The following SH3PXD2A variants were observed in gnomAD, a reference collection of about 807,000 sequenced individuals.
The protein encoded by SH3PXD2A is SH3 and PX domains 2A.
A neutral mutation model predicts 115.2 loss-of-function variants in SH3PXD2A; 32 were observed. That is an observed-to-expected ratio of 0.28 (90% CI 0.21 to 0.37). SH3PXD2A has a LOEUF of 0.37. Ranked by LOEUF, SH3PXD2A falls within the 10% of genes least tolerant of loss-of-function variation. The probability of loss-of-function intolerance (pLI) is 1.00; values close to 1 mark genes in which losing one functional copy is unlikely to be tolerated. For synonymous variants in SH3PXD2A, 610 were observed against 629.1 expected, an observed-to-expected ratio of 0.97 and a Z score of 0.45; for missense variants, 1,328 against 1,498.7, an observed-to-expected ratio of 0.89 and a Z score of 1.88.
chr10:103,608,290 C>T (rs2036366078), intron 13 of SH3PXD2A, among the ~76,000 whole-genome samples: 1 of 150,626 alleles, frequency 6.6e-6, no homozygotes. Context: ...CCCACGCCTT[C>T]CCAGGGAACG....
rs1299128260 is a variant in SH3PXD2A, at chr10:103,665,623, C to T, written c.472+2985G>A. On this transcript the variant is annotated intron_variant, in intron 7 of 14. Coordinates refer to ENST00000369774, the MANE Select transcript of SH3PXD2A (RefSeq NM_001394015.1). This position sits in a 1 kb window ranked among gnomAD's most constrained non-coding sequence, Gnocchi z 4.0. ...AGCTGCCTCTTAGGGTGTTCCCTGG[C>T]CAGGGCAGCCGGGCGGGCGGGAGCT... 2.0e-5 allele frequency among the ~76,000 whole-genome samples: 3 copies of T among 152,166 alleles called. No individual in the cohort carries two copies. The highest frequency in any genetic ancestry group is 4.4e-5 in the Non-Finnish European group (3 of 68,018).
intron 3 of SH3PXD2A, among the ~76,000 whole-genome samples, chr10:103,742,057 G>C (rs1247876807): frequency 6.6e-6 from 1 of 152,190 alleles, no homozygotes. Context: ...GCTGAGGTAG[G>C]GGGATCGCTT....
chr10:103,687,431 CAAGTTGTCGGCCT>C (rs1375192269), intron 6 of SH3PXD2A, among the ~76,000 whole-genome samples: 1 of 152,178 alleles, frequency 6.6e-6, no homozygotes, highest in Non-Finnish European at 1.5e-5. Context: ...ACATGACTGG[CAAGTTGTCGGCCT>C]AAGAGTGGGA....
intron 8 of SH3PXD2A, among the ~76,000 whole-genome samples, chr10:103,636,317 G>A (rs1395629446): frequency 6.6e-6 from 1 of 151,924 alleles, no homozygotes; most frequent in Non-Finnish European, 1.5e-5. Context: ...GCTGAGGCAG[G>A]AGAATGGCAT....
chr10:103,622,592 C>A (rs964183234), intron 9 of SH3PXD2A, 39 bp from the exon 10 acceptor site: 23 of 1,270,474 alleles, frequency 1.8e-5, no homozygotes, highest in Middle Eastern at 3.9e-4. Context: ...CGGCCAACAG[C>A]AACCGGCGGA....
intron 10 of SH3PXD2A, among the ~76,000 whole-genome samples, chr10:103,619,441 GTC>G (rs1454751550): frequency 1.3e-5 from 2 of 152,252 alleles, no homozygotes; most frequent in Admixed American, 6.5e-5. Context: ...ATTTTTAAAA[GTC>G]TGTGGTTCGA....
rs780174314 is a variant in SH3PXD2A at position 103,617,268 on chromosome 10, G to T, written c.849C>A (p.Asp283Glu). 2.5e-6 allele frequency: 4 copies of T among 1,614,178 alleles called. No individual in the cohort carries two copies. The South Asian group carries it at 4.4e-5, about 18-fold the overall frequency. The change falls in exon 11 of 15, where the codon GAC becomes GAA. Residue 283 changes from aspartate to glutamate, a missense_variant. Asp to Glu is a conservative substitution (Grantham distance 45). Around this residue, in one of 5 missense-constraint regions of SH3PXD2A, gnomAD observed 509 missense variants for 628.3 expected, o/e 0.81. Transcript: ENST00000369774. ...TVQPYTSQSKDEIGFEKGVTV... is the reference protein window; with the variant it reads ...TVQPYTSQSKEEIGFEKGVTV... ...TGACGCCCTTCTCAAAGCCAATCTC[G>T]TCCTTGCTTTGGCTGGTGTAAGGCT...
chr10:103,713,890 C>T (rs1422099625), intron 5 of SH3PXD2A, among the ~76,000 whole-genome samples: 1 of 152,210 alleles, frequency 6.6e-6, no homozygotes, highest in Non-Finnish European at 1.5e-5. Flanking sequence ...GCCATGCTAT[C>T]CTCCCCCTTA....
At chr10:103,776,656 G>A (rs950357693) in intron 2 of SH3PXD2A, among the ~76,000 whole-genome samples, 2 of 152,100 alleles carry the variant, frequency 1.3e-5, no homozygotes, top group Admixed American at 6.5e-5. Flanking sequence ...CTTCAGGGAT[G>A]TAAGTCATCT....
chr10:103,635,014 C>T (rs1484453703), intron 8 of SH3PXD2A, among the ~76,000 whole-genome samples: 1 of 152,140 alleles, frequency 6.6e-6, no homozygotes, highest in African/African-American at 2.4e-5. Flanking sequence ...GGCCAGGTGG[C>T]ATCTGTGCAG....
At chr10:103,794,913 A>T (rs1160375653) in intron 2 of SH3PXD2A, among the ~76,000 whole-genome samples, 2 of 152,336 alleles carry the variant, frequency 1.3e-5, no homozygotes, top group East Asian at 3.9e-4. Context: ...AGGATGGGCA[A>T]ACTGTGCAGG....
chr10:103,602,976 A>T lies in SH3PXD2A; in HGVS notation c.2242T>A (p.Ser748Thr), dbSNP rs776052876. 17 of 1,614,046 alleles carry T rather than the reference A, an allele frequency of 1.1e-5. No individual in the cohort carries two copies. In the African/African-American group the frequency reaches 2.1e-4, roughly 20 times the overall value. Reference protein sequence around the residue: ...KDADANAGLTSCPRAKPSVRP... With the variant: ...KDADANAGLTTCPRAKPSVRP... ...ACCGATGGCTTGGCCCGGGGACAGG[A>T]GGTCAGCCCAGCGTTCGCATCAGCA... Residue 748 changes from serine to threonine, a missense_variant, in exon 15 of 15, where the codon TCC becomes ACC. Transcript: ENST00000369774.
intron 6 of SH3PXD2A, among the ~76,000 whole-genome samples, chr10:103,689,470 G>A (rs1014090596): frequency 2.0e-5 from 3 of 152,128 alleles, no homozygotes; most frequent in African/African-American, 7.2e-5. Context: ...TTCGAGACCA[G>A]CCTGGCCAAA....
intron 14 of SH3PXD2A, 105 bp from the exon 15 acceptor site, chr10:103,603,894 T>C: frequency 1.6e-6 from 2 of 1,275,794 alleles, no homozygotes; most frequent in East Asian, 2.7e-5. Flanking sequence ...ATTATCTCCA[T>C]TTTACAGATA....
chr10:103,779,649 C>T (rs368611779), intron 2 of SH3PXD2A, among the ~76,000 whole-genome samples: 17 of 152,156 alleles, frequency 1.1e-4, no homozygotes, highest in Admixed American at 1.3e-4. Flanking sequence ...GTACAGAGGA[C>T]GGAGAGTGGT....
chr10:103,653,710 C>G (rs1247774353), intron 8 of SH3PXD2A, among the ~76,000 whole-genome samples: 1 of 152,148 alleles, frequency 6.6e-6, no homozygotes, highest in Non-Finnish European at 1.5e-5. Context: ...TAGCTGGCAG[C>G]ACTTGGCATT....
chr10:103,853,659 G>A (rs61861138), intron 1 of SH3PXD2A, among the ~76,000 whole-genome samples: 32,323 of 152,206 alleles, frequency 0.21, 3,879 homozygotes, highest in Non-Finnish European at 0.26. Context: ...GGGCACCATC[G>A]GTGGGAGCTG....
At chr10:103,637,455 G>C (rs1362566325) in intron 8 of SH3PXD2A, among the ~76,000 whole-genome samples, 1 of 152,166 alleles carries the variant, frequency 6.6e-6, no homozygotes, top group East Asian at 1.9e-4. Flanking sequence ...TTGGTATCCA[G>C]GTGGGGAAGG....
At chr10:103,723,145 C>G (rs1026668443) in intron 5 of SH3PXD2A, among the ~76,000 whole-genome samples, 1 of 152,188 alleles carries the variant, frequency 6.6e-6, no homozygotes. Flanking sequence ...CTCCCCATCA[C>G]CAGGTTCCCC....
Sources: allele counts gnomAD v4.1 joint callset (sites outside exome capture counted in the v4.1 genomes callset), GRCh38; gene constraint gnomAD v4.1.1; regional missense constraint gnomAD v4.1.1; non-coding constraint Gnocchi (gnomAD v3.1); transcripts MANE v1.5; gene names NCBI Gene and HGNC (gene_info 2026-07-23, HGNC 2026-07-21).